CORIN: variants seen among roughly 807,000 people sequenced by gnomAD.
The protein encoded by CORIN is atrial natriuretic peptide-converting enzyme.
CORIN carries 117 observed loss-of-function variants against 125.3 expected under a neutral mutation model. That is an observed-to-expected ratio of 0.93 (90% CI 0.80 to 1.09). CORIN has a LOEUF of 1.09. CORIN is among the 50% of genes least tolerant of loss of function. CORIN has a pLI of 0.00. For missense variants in CORIN, 1,253 were observed against 1,306.7 expected (o/e 0.96, Z 0.63); for synonymous variants, 450 against 466.4 (o/e 0.96, Z 0.45).
At chr4:47,721,709 T>C (rs921350525) in intron 5 of CORIN, among the ~76,000 whole-genome samples, 8 of 152,182 alleles carry the variant, frequency 5.3e-5, no homozygotes, top group African/African-American at 1.9e-4. Context: ...ACCATAATCC[T>C]CACAGTGCTG....
At chr4:47,748,589 ATTAT>A (rs1320827428) in intron 4 of CORIN, among the ~76,000 whole-genome samples, 1 of 152,182 alleles carries the variant, frequency 6.6e-6, no homozygotes, top group Non-Finnish European at 1.5e-5. Context: ...CTGTTATAAA[ATTAT>A]TTATCTACCA....
chr4:47,708,425 T>C (rs1042822657), intron 5 of CORIN, among the ~76,000 whole-genome samples: 2 of 152,180 alleles, frequency 1.3e-5, no homozygotes, highest in Non-Finnish European at 2.9e-5. Context: ...TGTGACTGCA[T>C]TGAGCCTAAT....
chr4:47,790,983 C>T (rs959516966), intron 2 of CORIN, among the ~76,000 whole-genome samples: 1 of 151,882 alleles, frequency 6.6e-6, no homozygotes, highest in Admixed American at 6.6e-5. Flanking sequence ...TTACTGATTC[C>T]TTGTAATGAA....
At chr4:47,609,936 A>T (rs1721807801) in intron 19 of CORIN, among the ~76,000 whole-genome samples, 1 of 152,226 alleles carries the variant, frequency 6.6e-6, no homozygotes, top group Non-Finnish European at 1.5e-5. Flanking sequence ...ACATGATCTC[A>T]TTCCATTTTA....
intron 11 of CORIN, among the ~76,000 whole-genome samples, chr4:47,662,110 A>C (rs954291114): frequency 5.3e-5 from 8 of 152,366 alleles, no homozygotes; most frequent in Non-Finnish European, 1.2e-4. Context: ...AGATGTTTCC[A>C]GGACACAGAT....
At chr4:47,628,507 T>TCAAGTATA (rs1176314244) in intron 16 of CORIN, among the ~76,000 whole-genome samples, 3 of 151,800 alleles carry the variant, frequency 2.0e-5, no homozygotes, top group African/African-American at 7.3e-5. Flanking sequence ...TTAGCAAATT[T>TCAAGTATA]CAAGTATACA....
In CORIN at chr4:47,757,992, C is replaced by A. The variant is rs200210174; in HGVS notation, c.617+5387G>T. ...GCAGTGGCACGATCTCAGCTCACTGCAAGCTCCACCTCCCGGATTCATGCC... is the reference window on the plus strand; with the variant it reads ...GCAGTGGCACGATCTCAGCTCACTGAAAGCTCCACCTCCCGGATTCATGCC... On this transcript the variant is annotated intron_variant, in intron 4 of 21. Transcript: ENST00000273857. Among the ~76,000 whole-genome samples the A allele has an allele frequency of 3.8e-4, 58 of 151,244 alleles. No homozygotes were observed. The East Asian group carries it at 8.3e-3, about 22-fold the overall frequency.
chr4:47,766,180 G>A (rs1255291781), intron 3 of CORIN, among the ~76,000 whole-genome samples: 1 of 152,108 alleles, frequency 6.6e-6, no homozygotes, highest in Non-Finnish European at 1.5e-5. Context: ...TATTAGTTAG[G>A]TTTGGTTTGG....
chr4:47,681,014 A>G (rs772401480), intron 7 of CORIN: 2 of 152,244 alleles, frequency 1.3e-5, no homozygotes, highest in Non-Finnish European at 2.9e-5. Context: ...CAATTTATAT[A>G]TTAGTGAAAA....
chr4:47,649,548 A>G (rs959059539), intron 13 of CORIN, among the ~76,000 whole-genome samples: 1 of 152,240 alleles, frequency 6.6e-6, no homozygotes, highest in African/African-American at 2.4e-5. Context: ...AGGGCATGTT[A>G]TAAGCATTCC....
At chr4:47,772,547 A>G (rs974424243) in intron 3 of CORIN, among the ~76,000 whole-genome samples, 21 of 152,134 alleles carry the variant, frequency 1.4e-4, no homozygotes, top group Non-Finnish European at 4.4e-5. Flanking sequence ...AGTGTCTTCA[A>G]GTTTGTTAAA....
intron 15 of CORIN, 159 bp downstream of exon 15, chr4:47,642,987 G>C: frequency 6.5e-7 from 1 of 1,537,550 alleles, no homozygotes; most frequent in Non-Finnish European, 8.7e-7. Context: ...CTGTGAGTTG[G>C]AAATAACACA....
intron 2 of CORIN, among the ~76,000 whole-genome samples, chr4:47,792,405 G>A (rs530918638): frequency 7.9e-5 from 12 of 152,274 alleles, no homozygotes; most frequent in African/African-American, 2.4e-4. Context: ...AGTTTAGAGG[G>A]TAGTTAGAAG....
At chr4:47,712,135 A>G (rs1277937718) in intron 5 of CORIN, among the ~76,000 whole-genome samples, 1 of 152,200 alleles carries the variant, frequency 6.6e-6, no homozygotes, top group East Asian at 1.9e-4. Flanking sequence ...TCTGATACCA[A>G]ATGAGCTTTC....
rs148406669 is a variant in CORIN at position 47,748,214 on chromosome 4, GC to G, written c.618-3632del. Among the ~76,000 whole-genome samples the G allele has an allele frequency of 3.3e-3, 496 of 152,258 alleles. 1 individual carries two copies. Among genetic ancestry groups the G allele is most frequent in the Non-Finnish European group, 5.2e-3 (356 of 68,010 alleles). On this transcript the variant is annotated intron_variant, in intron 4 of 21. Coordinates refer to ENST00000273857, the MANE Select transcript of CORIN (RefSeq NM_006587.4). ...TTCTTACTTTGCATAAAATTCAACTGCCTAGGGAAGGTTGAAGCATTTTGCT... is the reference window on the plus strand; with the variant it reads ...TTCTTACTTTGCATAAAATTCAACTGCTAGGGAAGGTTGAAGCATTTTGCT...
At chr4:47,610,366 C>T (rs1244072372) in intron 19 of CORIN, among the ~76,000 whole-genome samples, 1 of 151,898 alleles carries the variant, frequency 6.6e-6, no homozygotes, top group Non-Finnish European at 1.5e-5. Flanking sequence ...TGATGTTGAG[C>T]TTTTTCTCGT....
At position 47,641,914 on chromosome 4, in the gene CORIN, C is replaced by T. The variant is rs577151724; in HGVS notation, c.2198+6G>A. On this transcript the variant is annotated splice_donor_region_variant and intron_variant, in intron 16 of 21. Coordinates refer to ENST00000273857, the MANE Select transcript of CORIN (RefSeq NM_006587.4). ...ATTCATCAGTGCTACAAACTACTGA[C>T]CTTACCCTAAACCCATCTGCTTGCA... The T allele has an allele frequency of 1.2e-6, 2 of 1,612,568 alleles. No individual in the cohort carries two copies. The highest frequency in any genetic ancestry group is 1.7e-6 in the Non-Finnish European group (2 of 1,179,064).
intron 16 of CORIN, among the ~76,000 whole-genome samples, chr4:47,635,664 T>A (rs1297658201): frequency 6.6e-6 from 1 of 152,108 alleles, no homozygotes; most frequent in East Asian, 1.9e-4. Context: ...GAGTAAGAAA[T>A]CAGATTTTCA....
intron 5 of CORIN, among the ~76,000 whole-genome samples, chr4:47,693,683 T>C (rs1725867242): frequency 6.6e-6 from 1 of 152,252 alleles, no homozygotes; most frequent in Non-Finnish European, 1.5e-5. Flanking sequence ...TGGCATTCAC[T>C]AATAAAATTT....
Sources: gnomAD v4.1 joint callset for allele counts (sites outside exome capture counted in the v4.1 genomes callset) on GRCh38, gnomAD v4.1.1 for gene constraint, MANE v1.5 for transcripts, NCBI Gene and HGNC (gene_info 2026-07-23, HGNC 2026-07-21) for gene names.